Variants in RGS6 observed in about 807,000 individuals in gnomAD.
The protein encoded by RGS6 is regulator of G protein signaling 6.
RGS6 carries 30 observed loss-of-function variants against 78.5 expected under a neutral mutation model. That is an observed-to-expected ratio of 0.38 (90% CI 0.29 to 0.52). RGS6 has a LOEUF of 0.52. RGS6 is among the 20% of genes least tolerant of loss of function. The pLI, the probability that RGS6 is intolerant of heterozygous loss-of-function variation, is 0.85. For missense variants in RGS6, 495 were observed against 609.7 expected (o/e 0.81, Z 1.98); for synonymous variants, 206 against 206.0 (o/e 1.00, Z 0.00).
chr14:72,508,475 G>A (rs563774296), intron 13 of RGS6, among the ~76,000 whole-genome samples: 5 of 151,226 alleles, frequency 3.3e-5, no homozygotes, highest in Non-Finnish European at 5.9e-5. Context: ...CACGGTTATG[G>A]GATATTTTCA....
At chr14:72,336,412 T>C (rs1366952174) in intron 2 of RGS6, among the ~76,000 whole-genome samples, 7 of 152,126 alleles carry the variant, frequency 4.6e-5, no homozygotes, top group African/African-American at 1.4e-4. Flanking sequence ...TACTATATGT[T>C]GTGTGGCTTA....
In RGS6 at chr14:72,495,282, T is replaced by C; in HGVS notation, c.965+20T>C. 6.9e-7 allele frequency: 1 copy of C among 1,456,330 alleles called. No individual in the cohort carries two copies. Among genetic ancestry groups the C allele is most frequent in the Non-Finnish European group, 9.7e-7 (1 of 1,035,820 alleles). The allele number at this position is 1,456,330 out of a possible 1,614,324, so 90.2% of individuals were successfully genotyped here. A position where few individuals can be genotyped will look rare whatever the true frequency, so the allele number is the denominator to read the frequency against. ...GATGAGGTAAAAAATGTTTTAAGGT[T>C]TGGGAGTGGGATGAATGTAGACAAA... On this transcript the variant is annotated intron_variant, in intron 13 of 17. Transcript: ENST00000553525.
intron 12 of RGS6, among the ~76,000 whole-genome samples, chr14:72,493,197 G>A (rs183987800): frequency 3.2e-4 from 48 of 152,250 alleles, no homozygotes; most frequent in South Asian, 4.2e-4. Flanking sequence ...AAGGCTCAGC[G>A]TGAAAGAGTA....
chr14:72,414,409 G>C (rs1007710021), intron 3 of RGS6, among the ~76,000 whole-genome samples: 4 of 152,188 alleles, frequency 2.6e-5, no homozygotes, highest in African/African-American at 9.7e-5. Flanking sequence ...GTGGTTTTCA[G>C]CTCCATCAGG....
At chr14:72,420,857 C>CA (rs2094136744) in intron 3 of RGS6, 1 of 152,186 alleles carries the variant, frequency 6.6e-6, no homozygotes, top group Non-Finnish European at 1.5e-5. Context: ...ATCAATATCA[C>CA]ATTCCTGTAA....
chr14:71,873,537 T>TGG, the RGS6 span, among the ~76,000 whole-genome samples: 1 of 152,240 alleles, frequency 6.6e-6, no homozygotes, highest in Non-Finnish European at 1.5e-5. Context: ...AGATTCTGGA[T>TGG]ATTAGCCCTT....
chr14:72,174,390 G>T, intron 2 of RGS6, among the ~76,000 whole-genome samples: 1 of 152,144 alleles, frequency 6.6e-6, no homozygotes, highest in East Asian at 1.9e-4. Context: ...GAGCCACTGC[G>T]CCCGGTGACC....
intron 8 of RGS6, among the ~76,000 whole-genome samples, 175 bp from the exon 9 acceptor site, chr14:72,472,696 CG>C (rs532196804): frequency 3.6e-4 from 54 of 151,728 alleles, no homozygotes; most frequent in African/African-American, 1.2e-3. Flanking sequence ...CTGAGGTTTT[CG>C]GGGGGGGAAT....
At chr14:72,241,880 C>G (rs145905054) in intron 2 of RGS6, among the ~76,000 whole-genome samples, 1 of 152,358 alleles carries the variant, frequency 6.6e-6, no homozygotes. Flanking sequence ...CGGTGTCTGT[C>G]TTACTGCGGC....
chr14:72,599,425 T>TGAGACAGAG, the RGS6 span, among the ~76,000 whole-genome samples: 2 of 52,510 alleles, frequency 3.8e-5, no homozygotes, highest in Admixed American at 2.4e-4. Flanking sequence ...TTTTTTTTTT[T>TGAGACAGAG]TGAGACAGAG....
intron 2 of RGS6, among the ~76,000 whole-genome samples, chr14:71,967,189 GTA>G (rs10571406): frequency 0.45 from 65,124 of 145,716 alleles, 14,531 homozygotes; most frequent in East Asian, 0.54. Context: ...TGTGTAAAGA[GTA>G]TATATATATA....
intron 2 of RGS6, among the ~76,000 whole-genome samples, chr14:72,152,139 TAGA>T (rs983318481): frequency 5.9e-5 from 9 of 151,986 alleles, no homozygotes; most frequent in South Asian, 4.2e-4. Flanking sequence ...GATAAAACTG[TAGA>T]AGAAGAGTTG....
intron 1 of RGS6, among the ~76,000 whole-genome samples, chr14:71,949,214 C>T (rs1310522041): frequency 6.6e-6 from 1 of 152,134 alleles, no homozygotes; most frequent in African/African-American, 2.4e-5. Flanking sequence ...ATGGGGTGTG[C>T]ATATGTTCAG....
At chr14:72,496,452 C>A (rs914145156) in intron 13 of RGS6, among the ~76,000 whole-genome samples, 3 of 152,178 alleles carry the variant, frequency 2.0e-5, no homozygotes, top group African/African-American at 7.2e-5. Flanking sequence ...TGATAAAAAG[C>A]AAGAACTGCA....
intron 2 of RGS6, among the ~76,000 whole-genome samples, chr14:72,284,450 G>A (rs1372168445): frequency 6.6e-6 from 1 of 152,188 alleles, no homozygotes. Flanking sequence ...GTATAGCTGG[G>A]GCCATGGCTT....
chr14:71,956,353 G>GTATA (rs989941356), intron 1 of RGS6, among the ~76,000 whole-genome samples: 3 of 58,816 alleles, frequency 5.1e-5, no homozygotes, highest in African/African-American at 1.5e-4. Context: ...GTGTGTGTGT[G>GTATA]TGTGTATATT....
chr14:72,489,119 G>A (rs2096539117), intron 12 of RGS6, among the ~76,000 whole-genome samples: 1 of 151,694 alleles, frequency 6.6e-6, no homozygotes, highest in South Asian at 2.1e-4. Context: ...GAGATTATTG[G>A]AATGGCCAGG....
chr14:72,499,793 T>C (rs73300706), intron 13 of RGS6, among the ~76,000 whole-genome samples: 27,799 of 152,020 alleles, frequency 0.18, 3,107 homozygotes, highest in African/African-American at 0.32. Flanking sequence ...CACTCAGCAC[T>C]GGTGTCCCTT....
rs574689563 is a variant in RGS6 at position 72,465,638 on chromosome 14, A to G, written c.395-120A>G. On this transcript the variant is annotated intron_variant, in intron 6 of 17. Transcript: ENST00000553525. ...GGTGGATGGGTGGATGGATGGATGG[A>G]TGGATGGATGGATGGATGGATGGGT... is the stretch of plus-strand genomic sequence containing the variant. The G allele has an allele frequency of 7.5e-6, 5 of 663,614 alleles. No individual in the cohort carries two copies. The Admixed American group carries it at 9.1e-5, about 12-fold the overall frequency. 41.1% of individuals were successfully genotyped at this position (663,614 alleles called of 1,614,324 possible).
Sources: gnomAD v4.1 joint callset for allele counts (sites outside exome capture counted in the v4.1 genomes callset) on GRCh38, gnomAD v4.1.1 for gene constraint, MANE v1.5 for transcripts, NCBI Gene and HGNC (gene_info 2026-07-23, HGNC 2026-07-21) for gene names.